Variants in OTOGL observed in about 807,000 individuals in gnomAD.
OTOGL encodes the protein otogelin like.
OTOGL carries 285 observed loss-of-function variants against 318.5 expected under a neutral mutation model. The ratio of observed to expected loss-of-function variants is 0.89; its 90% CI spans 0.81 to 0.99. The LOEUF is 0.99. Among genes scored for constraint, OTOGL ranks in the 50% least tolerant of loss-of-function variants. The pLI is 0.00. For missense variants in OTOGL, 2,899 were observed against 2,845.6 expected, an observed-to-expected ratio of 1.02 and a Z score of -0.43; for synonymous variants, 987 against 936.5, an observed-to-expected ratio of 1.05 and a Z score of -0.99.
intron 44 of OTOGL, among the ~76,000 whole-genome samples, chr12:80,345,914 G>A (rs1421598024): frequency 6.6e-6 from 1 of 152,134 alleles, no homozygotes; most frequent in African/African-American, 2.4e-5. Flanking sequence ...TGATGATTCA[G>A]TGATAACTCT....
chr12:80,344,983 AT>A (rs1281882229), intron 44 of OTOGL, among the ~76,000 whole-genome samples: 1 of 143,248 alleles, frequency 7.0e-6, no homozygotes, highest in African/African-American at 2.6e-5. Flanking sequence ...CATTGGCTAT[AT>A]ATTATATATT....
chr12:80,286,178 T>C (rs1884605720), intron 26 of OTOGL, among the ~76,000 whole-genome samples: 1 of 152,230 alleles, frequency 6.6e-6, no homozygotes, highest in South Asian at 2.1e-4. Context: ...ATTAGATTTA[T>C]TGATTTGTGT....
intron 28 of OTOGL, among the ~76,000 whole-genome samples, chr12:80,303,365 C>T (rs1342246070): frequency 6.6e-6 from 1 of 152,120 alleles, no homozygotes; most frequent in Non-Finnish European, 1.5e-5. Context: ...CCGTGTTAGC[C>T]AGGGTGGTCT....
chr12:80,190,648 G>A (rs570369205), intron 1 of OTOGL, among the ~76,000 whole-genome samples: 3 of 152,012 alleles, frequency 2.0e-5, no homozygotes, highest in South Asian at 2.1e-4. Flanking sequence ...TTAGCCGGGC[G>A]TGGTGGTGGG....
chr12:80,130,133 C>A, intron 1 of OTOGL, among the ~76,000 whole-genome samples: 1 of 152,048 alleles, frequency 6.6e-6, no homozygotes, highest in East Asian at 1.9e-4. Flanking sequence ...TTTCCTCATT[C>A]CAATCATTAT....
At chr12:80,120,401 TAA>T (rs1045007024) in intron 1 of OTOGL, among the ~76,000 whole-genome samples, 2 of 151,852 alleles carry the variant, frequency 1.3e-5, no homozygotes, top group Non-Finnish European at 2.9e-5. Context: ...CATAAAGGAT[TAA>T]AAAAAAGTTA....
intron 28 of OTOGL, among the ~76,000 whole-genome samples, chr12:80,304,081 A>G (rs143453306): frequency 0.011 from 1,612 of 152,246 alleles, 7 homozygotes; most frequent in Non-Finnish European, 0.017. Flanking sequence ...GAATTGTACA[A>G]TCTGTAGTCT....
chr12:80,308,563 G>T (rs1292578350), intron 29 of OTOGL, among the ~76,000 whole-genome samples: 1 of 151,990 alleles, frequency 6.6e-6, no homozygotes, highest in East Asian at 1.9e-4. Context: ...CCCAGACGGG[G>T]TGGCGGCCGG....
Position 80,353,526 on chromosome 12 carries a change from C to A in OTOGL, c.5593+16C>A. ...AAAGAGTGTGGTAAGACACAAAGTA[C>A]AAAATGACTTCTCAGGAATCCGGCA... On this transcript the variant is annotated intron_variant, in intron 46 of 58. Coordinates refer to ENST00000547103, the MANE Select transcript of OTOGL (RefSeq NM_001378609.3). The A allele has an allele frequency of 6.8e-7, 1 of 1,480,982 alleles. No homozygotes were observed. The highest frequency in any genetic ancestry group is 9.1e-7 in the Non-Finnish European group (1 of 1,104,932). The allele number at this position is 1,480,982 out of a possible 1,614,324, so 91.7% of individuals were successfully genotyped here.
intron 1 of OTOGL, among the ~76,000 whole-genome samples, chr12:80,154,551 T>C (rs2137177266): frequency 1.3e-5 from 2 of 152,268 alleles, no homozygotes; most frequent in Middle Eastern, 6.8e-3. Context: ...CCAAACTAGT[T>C]GTAGTTTGGA....
intron 15 of OTOGL, 72 bp from the exon 16 acceptor site, chr12:80,254,968 T>G (rs1881898336): frequency 8.1e-7 from 1 of 1,239,260 alleles, no homozygotes; most frequent in Non-Finnish European, 1.1e-6. Context: ...CCTAATGGTA[T>G]CATCCTCCTC....
chr12:80,314,613 G>T (rs1329250985), intron 32 of OTOGL, among the ~76,000 whole-genome samples: 6 of 152,080 alleles, frequency 3.9e-5, no homozygotes, highest in Non-Finnish European at 7.4e-5. Context: ...GGTGAAGTTA[G>T]TTAATTTTTT....
intron 29 of OTOGL, among the ~76,000 whole-genome samples, chr12:80,308,999 AGGG>A (rs1886449357): frequency 2.6e-5 from 4 of 151,714 alleles, no homozygotes; most frequent in African/African-American, 9.7e-5. Flanking sequence ...GGAGAGGGAG[AGGG>A]AGAGGGAGAG....
intron 1 of OTOGL, among the ~76,000 whole-genome samples, chr12:80,185,531 C>T (rs1477605403): frequency 6.6e-6 from 1 of 152,160 alleles, no homozygotes; most frequent in South Asian, 2.1e-4. Context: ...TCAAGTGACC[C>T]ACTCACCTTG....
At chr12:80,194,375 A>G (rs1875901032) in intron 1 of OTOGL, among the ~76,000 whole-genome samples, 1 of 152,212 alleles carries the variant, frequency 6.6e-6, no homozygotes, top group African/African-American at 2.4e-5. Flanking sequence ...GATACTTGCA[A>G]CCAAAGAACC....
At chr12:80,275,111 A>AT (rs879441522) in intron 24 of OTOGL, among the ~76,000 whole-genome samples, 1 of 151,948 alleles carries the variant, frequency 6.6e-6, no homozygotes, top group Non-Finnish European at 1.5e-5. Context: ...TAGGAAATAC[A>AT]TTTCACAGGG....
Position 80,367,671 on chromosome 12 carries a change from A to G in OTOGL, c.6442A>G (p.Lys2148Glu). The change falls in exon 54 of 59, where the codon AAA becomes GAA. Residue 2148 changes from lysine (K) to glutamate (E), a missense_variant. By Grantham distance (56) the Lys-to-Glu change is moderately conservative (BLOSUM62 1). Transcript: ENST00000547103. ...TTATGCTATAGAGTGTCTGGAAGAA[A>G]AAGATAACCATACGGGCTTTCACAC... Reference protein sequence around the residue: ...FCYAIECLEEKDNHTGFHTLN... With the variant: ...FCYAIECLEEEDNHTGFHTLN... 6.7e-7 allele frequency: 1 copy of G among 1,498,532 alleles called. No individual in the cohort carries two copies. The allele number at this position is 1,498,532 out of a possible 1,614,324, so 92.8% of individuals were successfully genotyped here.
At chr12:80,217,356 A>G (rs1877837367) in intron 4 of OTOGL, among the ~76,000 whole-genome samples, 1 of 152,184 alleles carries the variant, frequency 6.6e-6, no homozygotes, top group Admixed American at 6.5e-5. Context: ...GACAAAGTAA[A>G]TATAGACTTG....
intron 44 of OTOGL, 138 bp from the exon 45 acceptor site, chr12:80,352,157 T>G (rs1458295842): frequency 2.7e-6 from 2 of 743,752 alleles, no homozygotes; most frequent in African/African-American, 1.8e-5. Context: ...TAAGAATTTT[T>G]GAAAATGTAA....
Sources: gnomAD v4.1 joint callset for allele counts (sites outside exome capture counted in the v4.1 genomes callset) on GRCh38, gnomAD v4.1.1 for gene constraint, MANE v1.5 for transcripts, NCBI Gene and HGNC (gene_info 2026-07-23, HGNC 2026-07-21) for gene names.